The following OPTC variants were observed in gnomAD, a reference collection of about 807,000 sequenced individuals.
The protein encoded by OPTC is opticin, also known as oculoglycan.
In OPTC, 22 loss-of-function variants were observed where a neutral mutation model predicts 25.4. That is an observed-to-expected ratio of 0.87 (90% CI 0.62 to 1.24). The LOEUF is 1.24. Ranked by LOEUF, OPTC falls within the 50% of genes most tolerant of loss-of-function variation. The probability of loss-of-function intolerance (pLI) is 0.00; values close to 1 mark genes in which losing one functional copy is unlikely to be tolerated. For missense variants in OPTC, 417 were observed against 425.2 expected (o/e 0.98, Z 0.17); for synonymous variants, 169 against 179.3 (o/e 0.94, Z 0.46).
chr1:203,507,935 T>A (rs947926771), intron 7 of OPTC, among the ~76,000 whole-genome samples: 2 of 152,190 alleles, frequency 1.3e-5, no homozygotes, highest in Non-Finnish European at 2.9e-5. Context: ...TCCCTGGGAA[T>A]AGTAATCTCT....
intron 4 of OPTC, among the ~76,000 whole-genome samples, chr1:203,499,378 C>T (rs1236163554): frequency 6.6e-6 from 1 of 152,044 alleles, no homozygotes; most frequent in African/African-American, 2.4e-5. Context: ...TGTTGGTTCT[C>T]GCTTTCAAGA....
At position 203,496,041 on chromosome 1, in the gene OPTC, G is replaced by C; in HGVS notation, c.36G>C (p.Leu12Phe). The C allele has an allele frequency of 1.2e-6, 2 of 1,613,780 alleles. No individual in the cohort carries two copies. Among genetic ancestry groups the C allele is most frequent in the South Asian group, 2.2e-5 (2 of 90,988 alleles). The change falls in exon 2 of 8, where the codon TTG (leucine) becomes TTC (phenylalanine). Residue 12 changes from leucine to phenylalanine, a missense_variant. Coordinates refer to ENST00000367222, the MANE Select transcript of OPTC (RefSeq NM_014359.4). ...RLLAFLSLLA[L>F]VLQETGTASL... ...TGGCTTTCCTGAGTCTGCTGGCCTT[G>C]GTGCTGCAGGAGACAGGGACAGCTT...
intron 6 of OPTC, 66 bp downstream of exon 6, chr1:203,503,075 C>A: frequency 7.9e-7 from 1 of 1,268,330 alleles, no homozygotes; most frequent in Non-Finnish European, 1.1e-6. Context: ...ATACCAGGAG[C>A]AGGTCGTGGC....
Position 203,502,925 on chromosome 1 carries a change from G to T in OPTC, c.744G>T (p.Lys248Asn). The change falls in exon 6 of 8, where the codon AAG becomes AAT. Residue 248 changes from lysine to asparagine, a missense_variant. By Grantham distance (94) the Lys-to-Asn change is moderately conservative (BLOSUM62 0). Transcript: ENST00000367222. ...IQPAAFRAMEKLQFLYLSDNL... is the reference protein window; with the variant it reads ...IQPAAFRAMENLQFLYLSDNL... ...TGCTTTCTCCACAGGCAATGGAGAA[G>T]CTGCAGTTCCTTTACCTGTCAGACA... 1 of 1,613,912 alleles carries T rather than the reference G, an allele frequency of 6.2e-7. No individual in the cohort carries two copies. The highest frequency in any genetic ancestry group is 8.5e-7 in the Non-Finnish European group (1 of 1,179,982).
chr1:203,503,633 C>A lies in OPTC; in HGVS notation c.912C>A (p.Ile304=), dbSNP rs747962694. Residue 304 remains isoleucine, a synonymous_variant, in exon 7 of 8, where the codon ATC becomes ATA. Transcript: ENST00000367222. ...ACACCCGCAGGCAGCTGGAAGACAT[C>A]CGCCTGGATGGCAACCCCATCAACC... ...HKHTRRQLED[I]RLDGNPINLS... is the part of the protein sequence containing the mutation. The A allele has an allele frequency of 4.1e-5, 66 of 1,613,514 alleles. No individual in the cohort carries two copies. Among genetic ancestry groups the A allele is most frequent in the Non-Finnish European group, 4.6e-5 (54 of 1,180,030 alleles).
intron 5 of OPTC, among the ~76,000 whole-genome samples, chr1:203,502,510 C>A (rs1268996981): frequency 6.6e-6 from 1 of 152,032 alleles, no homozygotes. Context: ...TGTCCATGGC[C>A]CCAGGTTTAG....
intron 4 of OPTC, 93 bp downstream of exon 4, chr1:203,498,932 G>A (rs1044599422): frequency 4.9e-5 from 68 of 1,395,706 alleles, no homozygotes; most frequent in Middle Eastern, 2.0e-4. Context: ...AGTGCCCCCC[G>A]TGTTAGCTCT....
chr1:203,506,323 G>A (rs1293406770), intron 7 of OPTC, among the ~76,000 whole-genome samples: 1 of 151,610 alleles, frequency 6.6e-6, no homozygotes, highest in Non-Finnish European at 1.5e-5. Flanking sequence ...GGCTAATTTT[G>A]TACTTTAAGT....
At position 203,501,208 on chromosome 1, in the gene OPTC, CTCCTG is replaced by C. The variant is rs1661386820; in HGVS notation, c.732+1358_732+1362del. Among the ~76,000 whole-genome samples the C allele has an allele frequency of 7.2e-5, 11 of 152,296 alleles. No homozygotes were observed. The South Asian group carries it at 2.3e-3, about 32-fold the overall frequency. The stretch of plus-strand genomic sequence containing the variant: ...CTCTGCCTCCCGTGTTCAAGCAATT[CTCCTG>C]CCTCGGCCTCCTGAGTAGCTGGGAT... On this transcript the variant is annotated intron_variant, in intron 5 of 7. Transcript: ENST00000367222.
chr1:203,506,848 A>G (rs1342342977), intron 7 of OPTC, among the ~76,000 whole-genome samples: 1 of 152,218 alleles, frequency 6.6e-6, no homozygotes, highest in Non-Finnish European at 1.5e-5. Context: ...GCTCTCTGCC[A>G]CACTCCAATG....
At position 203,496,900 on chromosome 1, in the gene OPTC, T is replaced by C. The variant is rs182132371; in HGVS notation, c.232-77T>C. On this transcript the variant is annotated intron_variant, in intron 2 of 7. Transcript: ENST00000367222. ...TCTTTGCTGGTTTGAAATCCATCAC[T>C]GAGGTTCCCAGAGTCCAAAGTTAAG... 871 of 1,486,706 alleles carry C rather than the reference T, an allele frequency of 5.9e-4. 4 individuals carry two copies. The African/African-American group carries it at 0.011, about 18-fold the overall frequency. 92.1% of individuals were successfully genotyped at this position (1,486,706 alleles called of 1,614,324 possible). A position where few individuals can be genotyped will look rare whatever the true frequency, so the allele number is the denominator to read the frequency against.
Position 203,496,152 on chromosome 1 carries a change from T to C in OPTC, c.147T>C (p.Asp49=). ...TTGAAGTTCTGCCTCTGCGGAATGA[T>C]GTCCTGAACCCAGACAACTATGGTG... ...DSFEVLPLRN[D]VLNPDNYGEV... is the part of the protein sequence containing the mutation. The change falls in exon 2 of 8, where the codon GAT becomes GAC. Residue 49 remains aspartate (D), a synonymous_variant. Transcript: ENST00000367222. The C allele has an allele frequency of 6.2e-7, 1 of 1,614,182 alleles. No homozygotes were observed. The highest frequency in any genetic ancestry group is 8.5e-7 in the Non-Finnish European group (1 of 1,180,030).
chr1:203,498,559 C>T, intron 3 of OPTC, 122 bp from the exon 4 acceptor site: 2 of 1,187,554 alleles, frequency 1.7e-6, no homozygotes, highest in Non-Finnish European at 2.5e-6. Context: ...CAGTTCTGGG[C>T]AGCAACCCAT....
rs184496687 is a variant in OPTC at position 203,504,656 on chromosome 1, C to T, written c.*25+911C>T. 2.6e-5 allele frequency among the ~76,000 whole-genome samples: 4 copies of T among 152,316 alleles called. 1 individual carries two copies. The highest frequency in any genetic ancestry group is 2.0e-4 in the Admixed American group (3 of 15,304). The stretch of plus-strand genomic sequence containing the variant: ...ATTTCCTGCTCTTCTGAGGCCAGGG[C>T]CTCCTGTTAGATTTGGAGGGAGCCA... On this transcript the variant is annotated intron_variant, in intron 7 of 7. Transcript: ENST00000367222.
chr1:203,499,933 C>A, intron 5 of OPTC, 82 bp downstream of exon 5: 1 of 1,141,876 alleles, frequency 8.8e-7, no homozygotes, highest in Non-Finnish European at 1.3e-6. Flanking sequence ...CTACCTCCAC[C>A]ACTCACCTCC....
At position 203,496,010 on chromosome 1, in the gene OPTC, G is replaced by T. The variant is rs550234083; in HGVS notation, c.5G>T (p.Arg2Met). 6.2e-7 allele frequency: 1 copy of T among 1,611,040 alleles called. No individual in the cohort carries two copies. The highest frequency in any genetic ancestry group is 1.3e-5 in the African/African-American group (1 of 74,874). M[R>M]LLAFLSLLAL... ...CTCAGTCCCATCTGACTCCCCATGA[G>T]GCTCCTGGCTTTCCTGAGTCTGCTG... The change falls in exon 2 of 8, where the codon AGG (arginine) becomes ATG (methionine). Residue 2 changes from arginine to methionine, a missense_variant. Coordinates refer to ENST00000367222, the MANE Select transcript of OPTC (RefSeq NM_014359.4).
At chr1:203,505,123 A>C (rs917092756) in intron 7 of OPTC, among the ~76,000 whole-genome samples, 1 of 152,176 alleles carries the variant, frequency 6.6e-6, no homozygotes, top group Admixed American at 6.5e-5. Flanking sequence ...TGAGGCAGGG[A>C]ATTCACTTAC....
In OPTC at chr1:203,506,145, C is replaced by CTTTTTCT. The variant is rs1558240923; in HGVS notation, c.*25+2405_*25+2406insCTTTTTT. Among the ~76,000 whole-genome samples, 12 of 89,448 alleles carry CTTTTTCT rather than the reference C, an allele frequency of 1.3e-4. 3 individuals carry two copies. Among genetic ancestry groups the CTTTTTCT allele is most frequent in the Non-Finnish European group, 1.3e-4 (5 of 37,724 alleles). The allele number at this position is 89,448 out of a possible 152,430, so 58.7% of individuals were successfully genotyped here. On this transcript the variant is annotated intron_variant, in intron 7 of 7. Transcript: ENST00000367222. ...ATCCTGGATTGAGGAATCCAATTTT[C>CTTTTTCT]TTTTTTCTTTTTTTTTTTTTTTTGA...
At chr1:203,507,944 C>G (rs1484626726) in intron 7 of OPTC, among the ~76,000 whole-genome samples, 1 of 152,212 alleles carries the variant, frequency 6.6e-6, no homozygotes, top group East Asian at 1.9e-4. Flanking sequence ...ATAGTAATCT[C>G]TTACATTTCT....
Sources: allele counts gnomAD v4.1 joint callset (sites outside exome capture counted in the v4.1 genomes callset), GRCh38; gene constraint gnomAD v4.1.1; transcripts MANE v1.5; gene names NCBI Gene and HGNC (gene_info 2026-07-23, HGNC 2026-07-21).